Variants in SATB1 observed in about 807,000 individuals in gnomAD.
SATB1 encodes the protein SATB homeobox 1, also known as DNA-binding protein SATB1.
In SATB1, 11 loss-of-function variants were observed where a neutral mutation model predicts 86.9. The ratio of observed to expected loss-of-function variants is 0.13; its 90% CI spans 0.08 to 0.21. SATB1 has a LOEUF of 0.21. SATB1 is among the 10% of genes least tolerant of loss of function. The pLI, the probability that SATB1 is intolerant of heterozygous loss-of-function variation, is 1.00. For synonymous variants in SATB1, 357 were observed against 357.2 expected, an observed-to-expected ratio of 1.00 and a Z score of 0.01; for missense variants, 551 against 937.6, an observed-to-expected ratio of 0.59 and a Z score of 5.39.
intron 9 of SATB1, among the ~76,000 whole-genome samples, chr3:18,375,651 T>C (rs1424647798): frequency 2.6e-5 from 4 of 152,158 alleles, no homozygotes; most frequent in East Asian, 3.9e-4. Flanking sequence ...CAAAACATCA[T>C]AGCATGAGAA....
chr3:18,442,976 A>C (rs1379792758), upstream of SATB1, among the ~76,000 whole-genome samples: 1 of 152,222 alleles, frequency 6.6e-6, no homozygotes, highest in Non-Finnish European at 1.5e-5. Context: ...ACCATACAGG[A>C]GATGAGAGGT....
chr3:18,445,306 CG>C, intron 1 of SATB1: 1 of 984,752 alleles, frequency 1.0e-6, no homozygotes, highest in Non-Finnish European at 1.2e-6. Flanking sequence ...CCGCCGCCGC[CG>C]CTGCTGCGCA....
chr3:18,421,935 T>G (rs1300691911), intron 1 of SATB1, among the ~76,000 whole-genome samples: 2 of 151,802 alleles, frequency 1.3e-5, no homozygotes, highest in African/African-American at 4.8e-5. Flanking sequence ...GCAATGGCAT[T>G]AACATTGTAA....
rs776394334 is a variant in SATB1, at chr3:18,348,024, TAC to T, written c.*1144_*1145del. ...CATTTCTGCATAAAGAAAATTGTGA[TAC>T]ACTTATAAAAACAGCCAGCTGTAAC... is the stretch of plus-strand genomic sequence containing the variant. On this transcript the variant is annotated 3_prime_UTR_variant, in exon 11 of 11. Transcript: ENST00000338745. 11 of 152,706 alleles carry T rather than the reference TAC, an allele frequency of 7.2e-5. No individual in the cohort carries two copies. The highest frequency in any genetic ancestry group is 2.1e-4 in the South Asian group (1 of 4,822). The allele number at this position is 152,706 out of a possible 1,614,324, so 9.5% of individuals were successfully genotyped here. A position where few individuals can be genotyped will look rare whatever the true frequency, so the allele number is the denominator to read the frequency against.
intron 1 of SATB1, chr3:18,445,139 C>T: frequency 1.2e-6 from 1 of 850,056 alleles, no homozygotes; most frequent in South Asian, 5.3e-5. Context: ...GCCGCCGCTT[C>T]GGAGCTTGTG....
chr3:18,421,154 G>A, intron 1 of SATB1, 163 bp from the exon 2 acceptor site: 1 of 578,458 alleles, frequency 1.7e-6, no homozygotes, highest in Non-Finnish European at 3.1e-6. Context: ...ATTTCTAGAT[G>A]ATAGCATTAC....
chr3:18,420,908 C>A lies in SATB1; in HGVS notation c.60G>T (p.Val20=). The A allele has an allele frequency of 4.3e-6, 7 of 1,614,218 alleles. No individual in the cohort carries two copies. Among genetic ancestry groups the A allele is most frequent in the Non-Finnish European group, 5.9e-6 (7 of 1,180,034 alleles). Residue 20 remains valine (V), a synonymous_variant, in exon 2 of 11, where the codon GTG becomes GTT. Coordinates refer to ENST00000338745, the MANE Select transcript of SATB1 (RefSeq NM_002971.6). ...GKEHSEMSNN[V]SDPKGPPAKI... ...TGGCTGGTGGACCCTTCGGATCACT[C>A]ACATTGTTAGACATTTCTGAATGTT...
chr3:18,420,573 G>A, intron 2 of SATB1, 184 bp downstream of exon 2: 1 of 602,842 alleles, frequency 1.7e-6, no homozygotes, highest in Non-Finnish European at 3.0e-6. Context: ...CTCCACCCAA[G>A]CATGGAGGCT....
Position 18,386,810 on chromosome 3 carries a change from T to TA in SATB1, c.1207-200_1207-199insT, listed in dbSNP as rs1696368773. On this transcript the variant is annotated intron_variant, in intron 7 of 10. Transcript: ENST00000338745. The surrounding 1 kb of genome is among the most constrained non-coding windows in gnomAD (Gnocchi z 4.5). Reference sequence around the variant, plus strand: ...TTCTTAATTTTATTAAGCATCTGCTTTACATATAACATAAACTGAAACTGC... The same window carrying TA: ...TTCTTAATTTTATTAAGCATCTGCTTATACATATAACATAAACTGAAACTGC... Among the ~76,000 whole-genome samples, 1 of 152,242 alleles carries TA rather than the reference T, an allele frequency of 6.6e-6. No individual in the cohort carries two copies. The highest frequency in any genetic ancestry group is 2.1e-4 in the South Asian group (1 of 4,834).
At chr3:18,415,609 T>C (rs904897025) in intron 4 of SATB1, among the ~76,000 whole-genome samples, 11 of 151,978 alleles carry the variant, frequency 7.2e-5, no homozygotes, top group Admixed American at 1.3e-4. Context: ...AATAAATAAA[T>C]AAATAAGACT....
rs998754637 is a variant in SATB1, at chr3:18,346,671, T to G, written c.*2499A>C. On this transcript the variant is annotated 3_prime_UTR_variant, in exon 11 of 11. Coordinates refer to ENST00000338745, the MANE Select transcript of SATB1 (RefSeq NM_002971.6). ...GCTGACTTTTAAAAGTTAAAAAATC[T>G]AAGTGGGAATTTTGTTAGCATTGTT... The G allele has an allele frequency of 3.9e-5, 6 of 152,112 alleles. No homozygotes were observed. Among genetic ancestry groups the G allele is most frequent in the African/African-American group, 1.4e-4 (6 of 41,430 alleles). The allele number at this position is 152,112 out of a possible 1,614,324, so 9.4% of individuals were successfully genotyped here.
intron 9 of SATB1, among the ~76,000 whole-genome samples, chr3:18,369,937 G>A (rs996107720): frequency 3.9e-5 from 6 of 152,216 alleles, no homozygotes; most frequent in African/African-American, 1.4e-4. Flanking sequence ...GTGACCTTGT[G>A]CGTGCCTGCG....
chr3:18,435,768 G>A (rs1699037194), intron 2 of SATB1, among the ~76,000 whole-genome samples: 1 of 151,540 alleles, frequency 6.6e-6, no homozygotes, highest in Admixed American at 6.6e-5. Flanking sequence ...TGCTCTCATT[G>A]GCACTAAGGA....
At position 18,383,372 on chromosome 3, in the gene SATB1, T is replaced by A. The variant is rs77295006; in HGVS notation, c.1419+3027A>T. 2.3e-3 allele frequency among the ~76,000 whole-genome samples: 351 copies of A among 152,324 alleles called. 12 individuals are homozygous for A. In the East Asian group the frequency reaches 0.037, roughly 16 times the overall value. On this transcript the variant is annotated intron_variant, in intron 8 of 10. Transcript: ENST00000338745. The stretch of plus-strand genomic sequence containing the variant: ...GTCCCAAGGGCACTCCAAAATCATC[T>A]TCTGCATGTTTTACACTCTATAAAG...
At chr3:18,385,062 C>G (rs113912247) in intron 8 of SATB1, among the ~76,000 whole-genome samples, 57 of 152,128 alleles carry the variant, frequency 3.7e-4, no homozygotes, top group Admixed American at 6.5e-5. Context: ...TATTTAGCTA[C>G]TCAACAAGTG....
At chr3:18,354,410 C>T (rs1372355464) in intron 9 of SATB1, among the ~76,000 whole-genome samples, 12 of 152,060 alleles carry the variant, frequency 7.9e-5, no homozygotes, top group South Asian at 2.1e-4. Context: ...CCCCTCTACC[C>T]GAACACAGCA....
intron 9 of SATB1, among the ~76,000 whole-genome samples, chr3:18,364,708 T>C (rs913583840): frequency 2.0e-5 from 3 of 151,834 alleles, no homozygotes; most frequent in Non-Finnish European, 4.4e-5. Context: ...ATCAAATATA[T>C]ATGTATGTAT....
Position 18,395,052 on chromosome 3 carries a change from G to A in SATB1, c.752-136C>T, listed in dbSNP as rs1304430369. The A allele has an allele frequency of 7.5e-6, 5 of 670,742 alleles. No homozygotes were observed. The African/African-American group carries it at 9.0e-5, about 12-fold the overall frequency. The allele number at this position is 670,742 out of a possible 1,614,324, so 41.5% of individuals were successfully genotyped here. On this transcript the variant is annotated intron_variant, in intron 6 of 10. Transcript: ENST00000338745. The stretch of plus-strand genomic sequence containing the variant: ...TCCAATAAAACCAAGAAAATTTCAA[G>A]TTGCAACTTACCAGGCTGTGTTTTT...
intron 9 of SATB1, among the ~76,000 whole-genome samples, chr3:18,365,345 C>T (rs926462157): frequency 6.6e-6 from 1 of 151,992 alleles, no homozygotes; most frequent in Non-Finnish European, 1.5e-5. Context: ...ACAAGTTTTT[C>T]CAAAGACACA....
Sources: gnomAD v4.1 joint callset for allele counts (sites outside exome capture counted in the v4.1 genomes callset) on GRCh38, gnomAD v4.1.1 for gene constraint, Gnocchi (gnomAD v3.1) non-coding constraint, MANE v1.5 for transcripts, NCBI Gene and HGNC (gene_info 2026-07-23, HGNC 2026-07-21) for gene names.